NELL2: variants seen among roughly 807,000 people sequenced by gnomAD.
The protein encoded by NELL2 is protein kinase C-binding protein NELL2.
NELL2 carries 41 observed loss-of-function variants against 109.6 expected under a neutral mutation model. The ratio of observed to expected loss-of-function variants is 0.37; its 90% CI spans 0.29 to 0.49. The LOEUF is 0.49. Ranked by LOEUF, NELL2 falls within the 20% of genes least tolerant of loss-of-function variation. The probability of loss-of-function intolerance (pLI) is 0.98; values close to 1 mark genes in which losing one functional copy is unlikely to be tolerated. For missense variants in NELL2, 900 were observed against 1,008.3 expected, an observed-to-expected ratio of 0.89 and a Z score of 1.45; for synonymous variants, 355 against 344.7, an observed-to-expected ratio of 1.03 and a Z score of -0.33.
intron 12 of NELL2, among the ~76,000 whole-genome samples, chr12:44,689,126 G>A (rs1948821859): frequency 6.6e-6 from 1 of 152,128 alleles, no homozygotes; most frequent in East Asian, 1.9e-4. Context: ...GTGTTCCTAT[G>A]AGTTCAGGAA....
intron 13 of NELL2, among the ~76,000 whole-genome samples, chr12:44,618,408 T>G (rs556098751): frequency 6.6e-6 from 1 of 152,314 alleles, no homozygotes; most frequent in East Asian, 1.9e-4. Context: ...CTAATCCTTA[T>G]TTGACCAAGA....
At chr12:44,838,449 G>A (rs1328919419) in intron 2 of NELL2, among the ~76,000 whole-genome samples, 2 of 152,028 alleles carry the variant, frequency 1.3e-5, no homozygotes, top group African/African-American at 4.8e-5. Flanking sequence ...ACTACATTTT[G>A]ATGCCAGTTC....
At chr12:44,865,028 C>A (rs969587482) in intron 2 of NELL2, among the ~76,000 whole-genome samples, 1 of 136,092 alleles carries the variant, frequency 7.3e-6, no homozygotes, top group African/African-American at 2.8e-5. Flanking sequence ...CTCTCCAGCA[C>A]CTGTTGTTTC....
intron 14 of NELL2, 23 bp from the exon 15 acceptor site, chr12:44,607,287 T>C: frequency 6.3e-7 from 1 of 1,598,032 alleles, no homozygotes; most frequent in Non-Finnish European, 8.6e-7. Flanking sequence ...AGATACATGA[T>C]TTTAGCACTT....
chr12:44,531,363 T>C (rs1371508091), intron 16 of NELL2, among the ~76,000 whole-genome samples: 1 of 152,200 alleles, frequency 6.6e-6, no homozygotes, highest in African/African-American at 2.4e-5. Context: ...AGTTCCAATG[T>C]CTGATCTGTC....
At chr12:44,789,006 G>C (rs568906419) in intron 3 of NELL2, among the ~76,000 whole-genome samples, 1 of 151,896 alleles carries the variant, frequency 6.6e-6, no homozygotes, top group African/African-American at 2.4e-5. Flanking sequence ...ACCTGCCCAA[G>C]GAGAGTCTGA....
In NELL2 at chr12:44,876,114, G is replaced by A. The variant is rs774053985; in HGVS notation, c.-245C>T. On this transcript the variant is annotated 5_prime_UTR_variant, in exon 1 of 20. Coordinates refer to ENST00000429094, the MANE Select transcript of NELL2 (RefSeq NM_001145108.2). ...ACACGCAGGGCCGAGGCGGCAGCGC[G>A]GCCCGGAGGGGGCCCGGAGGGAGGG... The A allele has an allele frequency of 9.9e-6, 13 of 1,316,162 alleles. No individual in the cohort carries two copies. In the South Asian group the frequency reaches 2.2e-4, roughly 23 times the overall value. 81.5% of individuals were successfully genotyped at this position (1,316,162 alleles called of 1,614,324 possible). A position where few individuals can be genotyped will look rare whatever the true frequency, so the allele number is the denominator to read the frequency against.
At chr12:44,874,179 T>G (rs1945247152) in intron 2 of NELL2, among the ~76,000 whole-genome samples, 1 of 152,178 alleles carries the variant, frequency 6.6e-6, no homozygotes, top group Non-Finnish European at 1.5e-5. Flanking sequence ...TTTTCCGAAG[T>G]GGTTTCCTTT....
chr12:44,859,025 C>A (rs1311437265), intron 2 of NELL2, among the ~76,000 whole-genome samples: 2 of 152,116 alleles, frequency 1.3e-5, no homozygotes, highest in Non-Finnish European at 1.5e-5. Context: ...TAAATGATTA[C>A]CTACAATTTG....
At position 44,742,214 on chromosome 12, in the gene NELL2, C is replaced by G. The variant is rs535253324; in HGVS notation, c.995-27473G>C. 1.8e-3 allele frequency among the ~76,000 whole-genome samples: 275 copies of G among 152,314 alleles called. 2 individuals carry two copies. Among genetic ancestry groups the G allele is most frequent in the African/African-American group, 5.6e-3 (234 of 41,568 alleles). ...CAGGCAAACAGGGTCTGGAGTAGAC[C>G]TCTAGCAAACTCCAACAGACCTGCA... On this transcript the variant is annotated intron_variant, in intron 9 of 19. Transcript: ENST00000429094.
At chr12:44,615,267 T>C (rs1406994106) in intron 13 of NELL2, among the ~76,000 whole-genome samples, 2 of 152,012 alleles carry the variant, frequency 1.3e-5, no homozygotes, top group Non-Finnish European at 2.9e-5. Context: ...AGGTGCAGAT[T>C]CCCAATTAAA....
intron 13 of NELL2, among the ~76,000 whole-genome samples, chr12:44,624,826 G>C (rs10748400): frequency 0.58 from 87,612 of 151,294 alleles, 25,849 homozygotes; most frequent in East Asian, 0.72. Flanking sequence ...CATCCTCCAC[G>C]CGCAATCCAA....
rs151105508 is a variant in NELL2, at chr12:44,919,176, G to A, written c.-32+2614C>T. Among the ~76,000 whole-genome samples the A allele has an allele frequency of 1.2e-4, 18 of 152,188 alleles. No homozygotes were observed. In the East Asian group the frequency reaches 2.9e-3, roughly 24 times the overall value. On this transcript the variant is annotated intron_variant, in intron 1 of 9. Coordinates refer to the NELL2 transcript ENST00000552993. ...TCCTAAATGATACAACTGCCTATCT[G>A]TAACAATTTTTAAAACTCCCTAAAC...
intron 7 of NELL2, 111 bp from the exon 8 acceptor site, chr12:44,776,261 TGCTTATCAACC>T: frequency 9.7e-7 from 1 of 1,035,960 alleles, no homozygotes; most frequent in South Asian, 2.1e-5. Flanking sequence ...ATGATGGCTG[TGCTTATCAACC>T]ACTTGCCATA....
intron 9 of NELL2, among the ~76,000 whole-genome samples, chr12:44,767,101 T>G (rs1941364746): frequency 6.6e-6 from 1 of 152,118 alleles, no homozygotes; most frequent in African/African-American, 2.4e-5. Flanking sequence ...AAAACCCACT[T>G]TCATATCAGA....
chr12:44,888,044 T>C (rs1035570279), intron 1 of NELL2, among the ~76,000 whole-genome samples: 2 of 152,046 alleles, frequency 1.3e-5, no homozygotes, highest in Non-Finnish European at 2.9e-5. Context: ...CTAGTTTCAA[T>C]CTTCTGCATA....
At chr12:44,668,064 AG>A in intron 12 of NELL2, among the ~76,000 whole-genome samples, 1 of 152,250 alleles carries the variant, frequency 6.6e-6, no homozygotes, top group East Asian at 1.9e-4. Flanking sequence ...GAGGCCCAAA[AG>A]CCCCTGCTTT....
chr12:44,565,893 G>A (rs553925032), intron 15 of NELL2, among the ~76,000 whole-genome samples: 1 of 152,260 alleles, frequency 6.6e-6, no homozygotes, highest in East Asian at 1.9e-4. Flanking sequence ...TTTGAGGATT[G>A]CACATTCCTA....
intron 15 of NELL2, among the ~76,000 whole-genome samples, chr12:44,553,286 G>GAA (rs59332982): frequency 0.12 from 17,509 of 145,676 alleles, 1,219 homozygotes; most frequent in Non-Finnish European, 0.16. Flanking sequence ...AATAAAAAAA[G>GAA]AAAAAAAAAA....
Sources: allele counts gnomAD v4.1 joint callset (sites outside exome capture counted in the v4.1 genomes callset), GRCh38; gene constraint gnomAD v4.1.1; transcripts MANE v1.5; gene names NCBI Gene and HGNC (gene_info 2026-07-23, HGNC 2026-07-21).